The following NTM variants were observed in gnomAD, a reference collection of about 807,000 sequenced individuals.
NTM encodes neurotrimin.
A neutral mutation model predicts 42.1 loss-of-function variants in NTM; 13 were observed. The ratio of observed to expected loss-of-function variants is 0.31; its 90% CI spans 0.20 to 0.49. The LOEUF is 0.49. NTM is among the 20% of genes least tolerant of loss of function. The pLI is 0.99. For synonymous variants in NTM, 187 were observed against 179.2 expected, an observed-to-expected ratio of 1.04 and a Z score of -0.35; for missense variants, 373 against 452.8, an observed-to-expected ratio of 0.82 and a Z score of 1.60.
At chr11:132,254,587 A>C (rs77828293) in intron 4 of NTM, among the ~76,000 whole-genome samples, 3,322 of 149,918 alleles carry the variant, frequency 0.022, 101 homozygotes, top group African/African-American at 0.069. Flanking sequence ...CATTCCTTTA[A>C]TTTTCTTTGA....
At chr11:131,679,182 GCTGC>G (rs1279969071) in intron 1 of NTM, among the ~76,000 whole-genome samples, 1 of 152,092 alleles carries the variant, frequency 6.6e-6, no homozygotes, top group African/African-American at 2.4e-5. Context: ...TTGGGAATCT[GCTGC>G]CTCCCACATC....
chr11:131,493,814 T>A (rs1192765506), intron 1 of NTM, among the ~76,000 whole-genome samples: 1 of 152,190 alleles, frequency 6.6e-6, no homozygotes, highest in Non-Finnish European at 1.5e-5. Flanking sequence ...AGTACTAGAA[T>A]TTCATTTTCT....
chr11:131,989,019 T>G (rs1273215030), intron 2 of NTM, among the ~76,000 whole-genome samples: 1 of 152,216 alleles, frequency 6.6e-6, no homozygotes, highest in African/African-American at 2.4e-5. Flanking sequence ...CATAACCTTC[T>G]GCACCAGTTT....
intron 1 of NTM, among the ~76,000 whole-genome samples, chr11:131,465,465 G>C (rs1266415148): frequency 6.6e-6 from 1 of 152,098 alleles, no homozygotes; most frequent in Non-Finnish European, 1.5e-5. Context: ...TGGCCCACTG[G>C]GAGAAGGTCA....
At chr11:131,634,465 C>G (rs906920230) in intron 1 of NTM, among the ~76,000 whole-genome samples, 1 of 151,814 alleles carries the variant, frequency 6.6e-6, no homozygotes, top group Non-Finnish European at 1.5e-5. Flanking sequence ...AAATAAAGCT[C>G]TCTTCTAAGC....
chr11:131,688,068 C>A (rs2074133561), intron 1 of NTM, among the ~76,000 whole-genome samples: 1 of 152,250 alleles, frequency 6.6e-6, no homozygotes, highest in Non-Finnish European at 1.5e-5. Context: ...GCTAATAAAC[C>A]CCGGAGGGGT....
intron 2 of NTM, among the ~76,000 whole-genome samples, chr11:131,954,742 A>G (rs1200295735): frequency 6.6e-6 from 1 of 152,214 alleles, no homozygotes; most frequent in Non-Finnish European, 1.5e-5. Context: ...CACATTCGTC[A>G]TTGTTAACAC....
chr11:131,672,787 T>C (rs2070573911), intron 1 of NTM, among the ~76,000 whole-genome samples: 1 of 150,140 alleles, frequency 6.7e-6, no homozygotes, highest in Non-Finnish European at 1.5e-5. Context: ...TTTCTGGCCT[T>C]CAAAAGAAAG....
At chr11:131,696,037 C>T (rs988448414) in intron 1 of NTM, among the ~76,000 whole-genome samples, 4 of 152,198 alleles carry the variant, frequency 2.6e-5, no homozygotes, top group African/African-American at 9.7e-5. Context: ...TTGCAAACAA[C>T]TAGCCTCTCA....
At chr11:131,905,041 A>C (rs1246583649) in intron 1 of NTM, among the ~76,000 whole-genome samples, 2 of 152,172 alleles carry the variant, frequency 1.3e-5, no homozygotes, top group Non-Finnish European at 2.9e-5. Flanking sequence ...CTGACTCAGA[A>C]TGAAGGAAGC....
At chr11:131,442,330 A>C (rs541253428) in intron 1 of NTM, among the ~76,000 whole-genome samples, 46 of 152,174 alleles carry the variant, frequency 3.0e-4, no homozygotes, top group Non-Finnish European at 6.5e-4. Flanking sequence ...TGTCTTCATC[A>C]TCCTCCTCAT....
chr11:131,853,249 T>C (rs1197613687), intron 1 of NTM, among the ~76,000 whole-genome samples: 2 of 152,156 alleles, frequency 1.3e-5, no homozygotes, highest in African/African-American at 4.8e-5. Flanking sequence ...TTTCCAACTT[T>C]TAAGTTCATG....
intron 3 of NTM, among the ~76,000 whole-genome samples, chr11:132,192,174 G>T (rs569644904): frequency 1.3e-4 from 20 of 152,216 alleles, no homozygotes; most frequent in African/African-American, 4.1e-4. Flanking sequence ...ACCCCTGTGA[G>T]ATACTATACA....
chr11:132,014,803 G>A (rs1464445133), intron 2 of NTM, among the ~76,000 whole-genome samples: 2 of 130,170 alleles, frequency 1.5e-5, no homozygotes, highest in Non-Finnish European at 3.2e-5. Flanking sequence ...TTCCTTATTG[G>A]ATAAATAGTT....
In NTM at chr11:132,157,627, G is replaced by A. The variant is rs184016332; in HGVS notation, c.400+11113G>A. 9.3e-4 allele frequency among the ~76,000 whole-genome samples: 141 copies of A among 152,224 alleles called. 5 individuals carry two copies. The East Asian group carries it at 0.024, about 25-fold the overall frequency. On this transcript the variant is annotated intron_variant, in intron 3 of 8. Coordinates refer to ENST00000683400, the MANE Select transcript of NTM (RefSeq NM_001352005.2). ...GGGACCAGAGTTGAAGATTAAAATC[G>A]CTAAACATTCTCTTGTTAACTGGGA...
intron 2 of NTM, among the ~76,000 whole-genome samples, chr11:131,929,748 C>T (rs537452768): frequency 5.3e-5 from 8 of 152,252 alleles, no homozygotes; most frequent in East Asian, 3.9e-4. Context: ...AAGGTTTCCT[C>T]GAAGGATCGT....
rs140500611 is a variant in NTM, at chr11:131,396,342, A to G, written c.82+25454A>G. Among the ~76,000 whole-genome samples, 349 of 152,306 alleles carry G rather than the reference A, an allele frequency of 2.3e-3. 8 individuals are homozygous for G. The highest frequency in any genetic ancestry group is 0.019 in the Admixed American group (290 of 15,298). On this transcript the variant is annotated intron_variant, in intron 1 of 8. Transcript: ENST00000683400. ...AACCGATCTCAGTGCCAGGCGTAGT[A>G]TCAGTGTCATTTCTTGAGCTTCTCT...
chr11:131,534,628 G>C (rs982140752), intron 1 of NTM: 5 of 152,208 alleles, frequency 3.3e-5, no homozygotes, highest in African/African-American at 9.7e-5. Flanking sequence ...CCTTTGCCCA[G>C]ATAACAAACC....
intron 4 of NTM, among the ~76,000 whole-genome samples, chr11:132,292,787 T>TAAAAAAAAAAAAAAAAAAA (rs61603794): frequency 3.5e-5 from 2 of 56,572 alleles, no homozygotes; most frequent in Non-Finnish European, 6.0e-5. Flanking sequence ...GATGTAAAAG[T>TAAAAAAAAAAAAAAAAAAA]AAAAAAAAAA....
Sources: gnomAD v4.1 joint callset for allele counts (sites outside exome capture counted in the v4.1 genomes callset) on GRCh38, gnomAD v4.1.1 for gene constraint, MANE v1.5 for transcripts, NCBI Gene and HGNC (gene_info 2026-07-23, HGNC 2026-07-21) for gene names.